The following ZNF223 variants were observed in gnomAD, a reference collection of about 807,000 sequenced individuals.
The protein encoded by ZNF223 is zinc finger protein 223, also known as Homo sapiens zinc finger protein 223.
A neutral mutation model predicts 12.3 loss-of-function variants in ZNF223; 9 were observed. The ratio of observed to expected loss-of-function variants is 0.73; its 90% CI spans 0.44 to 1.28. The LOEUF is 1.28. Ranked by LOEUF, ZNF223 falls within the 50% of genes most tolerant of loss-of-function variation. The probability of loss-of-function intolerance (pLI) is 0.00; values close to 1 mark genes in which losing one functional copy is unlikely to be tolerated. For synonymous variants in ZNF223, 171 were observed against 195.2 expected, an observed-to-expected ratio of 0.88 and a Z score of 1.03; for missense variants, 506 against 579.0, an observed-to-expected ratio of 0.87 and a Z score of 1.29.
Position 44,067,231 on chromosome 19 carries a change from G to T in ZNF223, c.1403G>T (p.Arg468Leu), listed in dbSNP as rs369327295. ...CEDCGKRYKR[R>L]LNLDIILSLF... The stretch of plus-strand genomic sequence containing the variant: ...GACTGTGGGAAGCGCTACAAGAGGC[G>T]CTTGAATCTTGATATAATTTTATCA... The change falls in exon 5 of 5, where the codon CGC becomes CTC. Residue 468 changes from arginine to leucine, a missense_variant. Transcript: ENST00000434772. The T allele has an allele frequency of 1.2e-6, 2 of 1,607,362 alleles. No homozygotes were observed. The highest frequency in any genetic ancestry group is 1.1e-5 in the South Asian group (1 of 89,180).
At chr19:44,060,940 CT>C (rs1379465937) in intron 4 of ZNF223, 99 bp downstream of exon 4, 5 of 1,192,998 alleles carry the variant, frequency 4.2e-6, no homozygotes, top group Admixed American at 3.9e-5. Flanking sequence ...GGCCAAACAT[CT>C]TTGCTGGATT....
chr19:44,058,791 C>G (rs1396107683), intron 2 of ZNF223, among the ~76,000 whole-genome samples: 2 of 152,238 alleles, frequency 1.3e-5, no homozygotes, highest in African/African-American at 4.8e-5. Flanking sequence ...GGTGTCTCAT[C>G]ATTTTTCATG....
intron 4 of ZNF223, among the ~76,000 whole-genome samples, chr19:44,063,822 C>CA (rs35184867): frequency 1.3e-5 from 2 of 151,892 alleles, no homozygotes; most frequent in African/African-American, 2.4e-5. Flanking sequence ...GCAGGCAGGC[C>CA]AAAAAAAGCA....
At chr19:44,054,538 T>TTG (rs1491117266) in intron 1 of ZNF223, among the ~76,000 whole-genome samples, 3 of 149,510 alleles carry the variant, frequency 2.0e-5, no homozygotes, top group African/African-American at 7.4e-5. Flanking sequence ...GCATTAACAG[T>TTG]TTTTTTTTTA....
intron 2 of ZNF223, among the ~76,000 whole-genome samples, chr19:44,058,188 A>G (rs1427345963): frequency 6.6e-6 from 1 of 152,230 alleles, no homozygotes; most frequent in African/African-American, 2.4e-5. Context: ...AATAATCTAC[A>G]GTTATTCTTG....
chr19:44,053,408 A>C (rs926854934), intron 1 of ZNF223, among the ~76,000 whole-genome samples: 1 of 152,154 alleles, frequency 6.6e-6, no homozygotes, highest in African/African-American at 2.4e-5. Context: ...AGTTTAAGGA[A>C]AGGAGTTGTG....
At chr19:44,064,649 A>T (rs1390229721) in intron 4 of ZNF223, among the ~76,000 whole-genome samples, 2 of 152,100 alleles carry the variant, frequency 1.3e-5, no homozygotes, top group Non-Finnish European at 2.9e-5. Context: ...GTTTTTCAAA[A>T]CTACCTTCAC....
At position 44,066,248 on chromosome 19, in the gene ZNF223, A is replaced by G. The variant is rs1195223116; in HGVS notation, c.420A>G (p.Ile140Met). The G allele has an allele frequency of 3.7e-6, 6 of 1,614,116 alleles. No homozygotes were observed. In the South Asian group the frequency reaches 6.6e-5, roughly 18 times the overall value. ...AHSQVEEGLS[I>M]MHTGQKPSNC... is the part of the protein sequence containing the mutation. The stretch of plus-strand genomic sequence containing the variant: ...CCCAGGTTGAGGAAGGACTATCTAT[A>G]ATGCACACAGGACAGAAACCTTCCA... The change falls in exon 5 of 5, where the codon ATA (isoleucine) becomes ATG (methionine). Residue 140 changes from isoleucine (I) to methionine (M), a missense_variant. Ile to Met is a conservative substitution (Grantham distance 10). Transcript: ENST00000434772.
chr19:44,055,323 T>G, intron 2 of ZNF223, 132 bp downstream of exon 2: 1 of 992,462 alleles, frequency 1.0e-6, no homozygotes. Context: ...CTGGCTAATT[T>G]TTGTAGTATT....
chr19:44,056,585 A>T lies in ZNF223; in HGVS notation c.15+1394A>T, dbSNP rs1436767812. ...TCCTTATGGCATAAAATGCCTCACC[A>T]TTTTTTTTTTTTTTTTTTTTTTTTT... On this transcript the variant is annotated intron_variant, in intron 2 of 4. Coordinates refer to ENST00000434772, the MANE Select transcript of ZNF223 (RefSeq NM_013361.6). 1.7e-3 allele frequency among the ~76,000 whole-genome samples: 126 copies of T among 72,136 alleles called. 1 individual carries two copies. Among genetic ancestry groups the T allele is most frequent in the African/African-American group, 4.6e-3 (68 of 14,888 alleles). The allele number at this position is 72,136 out of a possible 152,430, so 47.3% of individuals were successfully genotyped here. A position where few individuals can be genotyped will look rare whatever the true frequency, so the allele number is the denominator to read the frequency against.
chr19:44,054,404 T>TAGTGGGC (rs1401845123), intron 1 of ZNF223, among the ~76,000 whole-genome samples: 1 of 152,156 alleles, frequency 6.6e-6, no homozygotes, highest in Non-Finnish European at 1.5e-5. Flanking sequence ...AATACATTAT[T>TAGTGGGC]AGTGGGCATT....
chr19:44,060,378 C>T, intron 2 of ZNF223, 77 bp from the exon 3 acceptor site: 1 of 1,572,976 alleles, frequency 6.4e-7, no homozygotes, highest in Non-Finnish European at 8.6e-7. Context: ...CATTTTTCCT[C>T]TTGGCCTCCT....
intron 1 of ZNF223, among the ~76,000 whole-genome samples, 156 bp downstream of exon 1, chr19:44,052,351 C>T (rs758073045): frequency 3.3e-5 from 5 of 152,110 alleles, no homozygotes; most frequent in Non-Finnish European, 5.9e-5. Flanking sequence ...CGCCTCCCTA[C>T]GTATGCAGTG....
rs1976935789 is a variant in ZNF223, at chr19:44,067,356, A to G, written c.*79A>G. On this transcript the variant is annotated 3_prime_UTR_variant, in exon 5 of 5. Coordinates refer to ENST00000434772, the MANE Select transcript of ZNF223 (RefSeq NM_013361.6). ...GTATAATGATCAAATCAGTGTAATTAGCACATTTATCACCTCAATTATCTC... is the reference window on the plus strand; with the variant it reads ...GTATAATGATCAAATCAGTGTAATTGGCACATTTATCACCTCAATTATCTC... 3.6e-6 allele frequency: 5 copies of G among 1,372,370 alleles called. No homozygotes were observed. The South Asian group carries it at 6.2e-5, about 17-fold the overall frequency. The allele number at this position is 1,372,370 out of a possible 1,614,324, so 85.0% of individuals were successfully genotyped here.
rs1976914797 is a variant in ZNF223 at position 44,066,465 on chromosome 19, TTCAG to T, written c.642_645del (p.Ser214ArgfsTer81). 3 of 1,614,098 alleles carry T rather than the reference TTCAG, an allele frequency of 1.9e-6. No individual in the cohort carries two copies. The highest frequency in any genetic ancestry group is 2.5e-6 in the Non-Finnish European group (3 of 1,180,048). On this transcript the variant is annotated frameshift_variant, in exon 5 of 5. Coordinates refer to ENST00000434772, the MANE Select transcript of ZNF223 (RefSeq NM_013361.6). LOFTEE classifies it low-confidence loss of function (END_TRUNC). ...TAAGTGTGACGTGTGTGGTAAGGAA[TTCAG>T]TCAGAGTTTACATCTGCAAACTCAT...
In ZNF223 at chr19:44,067,297, G is replaced by T. The variant is rs944557838; in HGVS notation, c.*20G>T. The T allele has an allele frequency of 3.4e-5, 54 of 1,582,944 alleles. No homozygotes were observed. Among genetic ancestry groups the T allele is most frequent in the Non-Finnish European group, 4.6e-5 (53 of 1,159,884 alleles). The stretch of plus-strand genomic sequence containing the variant: ...ACGTAAGTGTTGTACATATTTATGG[G>T]GTACAGTGTGATATTTAAATATATG... On this transcript the variant is annotated 3_prime_UTR_variant, in exon 5 of 5. Coordinates refer to ENST00000434772, the MANE Select transcript of ZNF223 (RefSeq NM_013361.6).
chr19:44,060,896 T>G lies in ZNF223; in HGVS notation c.235+55T>G, dbSNP rs1976829620. 3 of 1,503,436 alleles carry G rather than the reference T, an allele frequency of 2.0e-6. No homozygotes were observed. The Admixed American group carries it at 5.2e-5, about 26-fold the overall frequency. 93.1% of individuals were successfully genotyped at this position (1,503,436 alleles called of 1,614,324 possible). On this transcript the variant is annotated intron_variant, in intron 4 of 4. Transcript: ENST00000434772. ...TTGTGACTTCCATCTGTTTTACTTCTGTGCACGTCCAACTCCATTACCTTC... is the reference window on the plus strand; with the variant it reads ...TTGTGACTTCCATCTGTTTTACTTCGGTGCACGTCCAACTCCATTACCTTC...
Position 44,055,075 on chromosome 19 carries a change from A to T in ZNF223, c.-68-34A>T, listed in dbSNP as rs769821972. 34 of 1,210,550 alleles carry T rather than the reference A, an allele frequency of 2.8e-5. No homozygotes were observed. The highest frequency in any genetic ancestry group is 3.8e-5 in the Non-Finnish European group (32 of 833,594). 75.0% of individuals were successfully genotyped at this position (1,210,550 alleles called of 1,614,324 possible). On this transcript the variant is annotated intron_variant, in intron 1 of 4. Coordinates refer to ENST00000434772, the MANE Select transcript of ZNF223 (RefSeq NM_013361.6). ...GGGTGACATCCCTGGCCACCCTTTCATGTCTCTTTTTCTGTCTTCATGGCA... is the reference window on the plus strand; with the variant it reads ...GGGTGACATCCCTGGCCACCCTTTCTTGTCTCTTTTTCTGTCTTCATGGCA...
chr19:44,054,688 A>G (rs902838891), intron 1 of ZNF223, among the ~76,000 whole-genome samples: 6 of 152,162 alleles, frequency 3.9e-5, no homozygotes, highest in African/African-American at 1.4e-4. Flanking sequence ...TGGACTCCTC[A>G]TGCCCATTTA....
Sources: gnomAD v4.1 joint callset for allele counts (sites outside exome capture counted in the v4.1 genomes callset) on GRCh38, gnomAD v4.1.1 for gene constraint, MANE v1.5 for transcripts, NCBI Gene and HGNC (gene_info 2026-07-23, HGNC 2026-07-21) for gene names.